Variants in NELL1 observed in about 807,000 individuals in gnomAD.
NELL1 encodes the protein protein kinase C-binding protein NELL1.
Under a neutral mutation model 107.4 loss-of-function variants are expected in NELL1, and 76 were observed. The observed-to-expected ratio is 0.71, with a 90% CI of 0.59 to 0.86. NELL1 has a LOEUF of 0.86. Among genes scored for constraint, NELL1 ranks in the 40% least tolerant of loss-of-function variants. The probability of loss-of-function intolerance (pLI) is 0.00; values close to 1 mark genes in which losing one functional copy is unlikely to be tolerated. For synonymous variants in NELL1, 353 were observed against 341.2 expected (o/e 1.03, Z -0.38); for missense variants, 1,024 against 1,005.5 (o/e 1.02, Z -0.25).
chr11:21,388,369 G>A (rs1851793978), intron 15 of NELL1, among the ~76,000 whole-genome samples: 1 of 151,776 alleles, frequency 6.6e-6, no homozygotes, highest in Non-Finnish European at 1.5e-5. Flanking sequence ...AGTCTAATTA[G>A]CAAACAGTAG....
At chr11:21,342,651 A>G (rs539307028) in intron 14 of NELL1, among the ~76,000 whole-genome samples, 13 of 150,678 alleles carry the variant, frequency 8.6e-5, no homozygotes, top group African/African-American at 2.7e-4. Context: ...TTAAAAAAAA[A>G]AAAAAAAGAA....
At chr11:21,050,008 C>A (rs1413117501) in intron 12 of NELL1, among the ~76,000 whole-genome samples, 1 of 152,116 alleles carries the variant, frequency 6.6e-6, no homozygotes. Flanking sequence ...GTTAATTAAG[C>A]GTTAGTTTGA....
intron 3 of NELL1, among the ~76,000 whole-genome samples, chr11:20,824,298 C>T (rs1393774124): frequency 6.6e-6 from 1 of 151,272 alleles, no homozygotes. Flanking sequence ...AAACCTCTTC[C>T]CTTTATAAAT....
At chr11:21,028,098 C>A (rs1852863091) in intron 12 of NELL1, among the ~76,000 whole-genome samples, 1 of 152,092 alleles carries the variant, frequency 6.6e-6, no homozygotes, top group Non-Finnish European at 1.5e-5. Flanking sequence ...CAAAATGTAA[C>A]CATGTAAAAA....
intron 3 of NELL1, among the ~76,000 whole-genome samples, chr11:20,800,881 G>A (rs1857268173): frequency 6.6e-6 from 1 of 152,196 alleles, no homozygotes; most frequent in African/African-American, 2.4e-5. Context: ...TGTTGAAACT[G>A]CAGGCCATAG....
chr11:21,258,379 T>C (rs889810038), intron 14 of NELL1, among the ~76,000 whole-genome samples: 2 of 151,972 alleles, frequency 1.3e-5, no homozygotes, highest in Non-Finnish European at 2.9e-5. Context: ...TAATTAGGAT[T>C]CTCCAGAGAA....
At chr11:20,937,754 AC>A in intron 9 of NELL1, 31 bp from the exon 10 acceptor site, 1 of 1,558,954 alleles carries the variant, frequency 6.4e-7, no homozygotes, top group South Asian at 1.1e-5. Context: ...GCACAGCAGG[AC>A]TGTCTGACCC....
intron 15 of NELL1, among the ~76,000 whole-genome samples, chr11:21,521,991 C>T (rs562496501): frequency 1.3e-4 from 20 of 152,166 alleles, no homozygotes; most frequent in Admixed American, 6.5e-4. Flanking sequence ...TTATAAATTC[C>T]GGATATTCGT....
chr11:20,939,187 C>G (rs1850795071), intron 10 of NELL1, among the ~76,000 whole-genome samples: 2 of 151,874 alleles, frequency 1.3e-5, no homozygotes, highest in Non-Finnish European at 2.9e-5. Flanking sequence ...TTGGGGAAGG[C>G]TAATATGATG....
intron 3 of NELL1, among the ~76,000 whole-genome samples, chr11:20,846,314 G>T (rs1411302654): frequency 6.6e-6 from 1 of 152,088 alleles, no homozygotes; most frequent in African/African-American, 2.4e-5. Flanking sequence ...TGACTTTTGG[G>T]ATTCAGGCAC....
intron 14 of NELL1, among the ~76,000 whole-genome samples, chr11:21,337,732 T>C (rs868014393): frequency 3.3e-4 from 49 of 146,630 alleles, no homozygotes; most frequent in Admixed American, 1.2e-3. Flanking sequence ...CTTTTCTTTC[T>C]TTCCTTTCTT....
At chr11:20,951,389 C>T (rs1851065908) in intron 11 of NELL1, among the ~76,000 whole-genome samples, 1 of 152,092 alleles carries the variant, frequency 6.6e-6, no homozygotes, top group South Asian at 2.1e-4. Context: ...ATGGAAGATA[C>T]AGGCTACATC....
At chr11:20,745,642 A>G (rs758994091) in intron 2 of NELL1, among the ~76,000 whole-genome samples, 1 of 152,180 alleles carries the variant, frequency 6.6e-6, no homozygotes, top group Non-Finnish European at 1.5e-5. Flanking sequence ...ACAAAATAGC[A>G]CCTTGAAATG....
chr11:20,814,007 T>A (rs1026949359), intron 3 of NELL1, among the ~76,000 whole-genome samples: 5 of 151,654 alleles, frequency 3.3e-5, no homozygotes, highest in South Asian at 2.1e-4. Context: ...TTATTTATTT[T>A]TTTGTAGAGA....
intron 15 of NELL1, among the ~76,000 whole-genome samples, chr11:21,451,699 T>C (rs2133859055): frequency 6.6e-6 from 1 of 152,318 alleles, no homozygotes; most frequent in Non-Finnish European, 1.5e-5. Flanking sequence ...GAGTGACACA[T>C]ATTTTGATTT....
At chr11:21,021,012 A>AAAAC (rs376987250) in intron 12 of NELL1, among the ~76,000 whole-genome samples, 2 of 140,222 alleles carry the variant, frequency 1.4e-5, no homozygotes, top group African/African-American at 2.7e-5. Context: ...AGAAACTTAG[A>AAAAC]ACACACACAC....
chr11:21,196,613 A>G (rs915367026), intron 13 of NELL1, among the ~76,000 whole-genome samples: 3 of 151,924 alleles, frequency 2.0e-5, no homozygotes, highest in Admixed American at 2.0e-4. Flanking sequence ...TAGTAACCTC[A>G]TCACTCTCCA....
chr11:21,063,809 C>G (rs927331708), intron 12 of NELL1, among the ~76,000 whole-genome samples: 1 of 152,196 alleles, frequency 6.6e-6, no homozygotes, highest in Non-Finnish European at 1.5e-5. Flanking sequence ...TACATTCCAG[C>G]AGGTGACACA....
intron 14 of NELL1, among the ~76,000 whole-genome samples, chr11:21,259,618 C>A (rs723467): frequency 6.6e-6 from 1 of 151,750 alleles, no homozygotes; most frequent in Non-Finnish European, 1.5e-5. Flanking sequence ...AATTTTGGAC[C>A]TAAATCCATC....
Sources: allele counts gnomAD v4.1 joint callset (sites outside exome capture counted in the v4.1 genomes callset), GRCh38; gene constraint gnomAD v4.1.1; transcripts MANE v1.5; gene names NCBI Gene and HGNC (gene_info 2026-07-23, HGNC 2026-07-21).